Variants in C8orf74 observed in about 807,000 individuals in gnomAD.
C8orf74 encodes uncharacterized protein C8orf74.
Under a neutral mutation model 22.2 loss-of-function variants are expected in C8orf74, and 29 were observed. The ratio of observed to expected loss-of-function variants is 1.31; its 90% confidence interval spans 0.97 to 1.78. C8orf74 has a LOEUF of 1.78. C8orf74 is among the 40% of genes most tolerant of loss of function. The pLI, the probability that C8orf74 is intolerant of heterozygous loss-of-function variation, is 0.00. For synonymous variants in C8orf74, 255 were observed against 163.1 expected, an observed-to-expected ratio of 1.56 and a Z score of -4.30; for missense variants, 515 against 369.9, an observed-to-expected ratio of 1.39 and a Z score of -3.22.
rs765131388 is a variant in C8orf74, at chr8:10,672,654, GAT to G, written c.-11_-10del. On this transcript the variant is annotated 5_prime_UTR_variant, in exon 1 of 4. An upstream start codon of the reference 5' UTR is lost. Coordinates refer to ENST00000304519, the MANE Select transcript of C8orf74 (RefSeq NM_001040032.2). ...GTCTGGCTCCGTCTCCTGGCAACCA[GAT>G]GCAGGGGCCATGGCACTCTTAACAC... 6 of 1,562,170 alleles carry G rather than the reference GAT, an allele frequency of 3.8e-6. No individual in the cohort carries two copies. The East Asian group carries it at 1.4e-4, about 37-fold the overall frequency.
chr8:10,682,125 CA>C (rs1799164489), intron 2 of C8orf74, among the ~76,000 whole-genome samples: 1 of 152,170 alleles, frequency 6.6e-6, no homozygotes, highest in Admixed American at 6.5e-5. Context: ...GAGAAGGTGC[CA>C]GCCTCTGCAG....
At chr8:10,679,491 C>T (rs1024189514) in intron 2 of C8orf74, among the ~76,000 whole-genome samples, 2 of 152,206 alleles carry the variant, frequency 1.3e-5, no homozygotes, top group Non-Finnish European at 2.9e-5. Flanking sequence ...CCAAGTGGCA[C>T]TGTGCAGGTT....
At chr8:10,699,212 C>T (rs1047699525) in intron 3 of C8orf74, among the ~76,000 whole-genome samples, 3 of 152,196 alleles carry the variant, frequency 2.0e-5, no homozygotes, top group African/African-American at 7.2e-5. Flanking sequence ...CCTCCCAGCT[C>T]GCCGCCCAGC....
At position 10,700,352 on chromosome 8, in the gene C8orf74, A is replaced by T; in HGVS notation, c.766A>T (p.Thr256Ser). 2.5e-6 allele frequency: 4 copies of T among 1,613,330 alleles called. No individual in the cohort carries two copies. The highest frequency in any genetic ancestry group is 3.4e-6 in the Non-Finnish European group (4 of 1,179,578). The change falls in exon 4 of 4, where the codon ACT becomes TCT. Residue 256 changes from threonine to serine, a missense_variant. Physicochemically the swap from Thr to Ser is moderately conservative, Grantham distance 58. Coordinates refer to ENST00000304519, the MANE Select transcript of C8orf74 (RefSeq NM_001040032.2). The part of the protein sequence containing the change: ...AILDLKLQKK[T>S]LNLNAPTPIP... ...CTTGGACCTGAAGCTTCAGAAGAAG[A>T]CTCTGAACCTCAACGCCCCCACCCC...
intron 2 of C8orf74, among the ~76,000 whole-genome samples, chr8:10,687,702 T>A (rs1799290477): frequency 6.6e-6 from 1 of 152,186 alleles, no homozygotes; most frequent in South Asian, 2.1e-4. Context: ...ACACTATTTT[T>A]AAATATGTTT....
chr8:10,674,659 G>T lies in C8orf74; in HGVS notation c.62G>T (p.Arg21Leu). 1 of 1,608,110 alleles carries T rather than the reference G, an allele frequency of 6.2e-7. No homozygotes were observed. The highest frequency in any genetic ancestry group is 2.2e-5 in the East Asian group (1 of 44,646). The part of the protein sequence containing the change: ...EVFQLQRPQG[R>L]ERLRRLLNWE... The stretch of plus-strand genomic sequence containing the variant: ...CATTCCCTGCAGAGACCACAAGGTC[G>T]GGAGCGCCTGCGGAGGCTTCTGAAC... Residue 21 changes from arginine to leucine, a missense_variant, in exon 2 of 4, where the codon CGG becomes CTG. Arg to Leu is a moderately radical substitution (Grantham distance 102). Coordinates refer to ENST00000304519, the MANE Select transcript of C8orf74 (RefSeq NM_001040032.2).
In C8orf74 at chr8:10,687,700, T is replaced by C. The variant is rs533766205; in HGVS notation, c.242-9899T>C. On this transcript the variant is annotated intron_variant, in intron 2 of 3. Coordinates refer to ENST00000304519, the MANE Select transcript of C8orf74 (RefSeq NM_001040032.2). Reference sequence around the variant, plus strand: ...AAAGATTCTGCTTTTAAACACTATTTTTAAATATGTTTACTTTTCTGTGAT... The same window carrying C: ...AAAGATTCTGCTTTTAAACACTATTCTTAAATATGTTTACTTTTCTGTGAT... Among the ~76,000 whole-genome samples, 3 of 152,322 alleles carry C rather than the reference T, an allele frequency of 2.0e-5. No individual in the cohort carries two copies. In the South Asian group the frequency reaches 6.2e-4, roughly 32 times the overall value.
In C8orf74 at chr8:10,700,322, G is replaced by A. The variant is rs374916501; in HGVS notation, c.736G>A (p.Ala246Thr). 2.5e-5 allele frequency: 40 copies of A among 1,613,698 alleles called. No homozygotes were observed. The highest frequency in any genetic ancestry group is 1.7e-4 in the Middle Eastern group (1 of 6,060). Residue 246 changes from alanine (A) to threonine (T), a missense_variant, in exon 4 of 4, where the codon GCC becomes ACC. By Grantham distance (58) the Ala-to-Thr change is moderately conservative. Coordinates refer to ENST00000304519, the MANE Select transcript of C8orf74 (RefSeq NM_001040032.2). ...LLQRQIQNTF[A>T]ILDLKLQKKT... ...GCAGCGCCAGATCCAGAACACATTC[G>A]CCATCTTGGACCTGAAGCTTCAGAA...
intron 1 of C8orf74, among the ~76,000 whole-genome samples, chr8:10,673,226 G>A (rs934464011): frequency 2.6e-5 from 4 of 152,114 alleles, no homozygotes; most frequent in Admixed American, 1.3e-4. Flanking sequence ...CAACACTCTT[G>A]CGTGTGGTGG....
intron 2 of C8orf74, among the ~76,000 whole-genome samples, chr8:10,678,420 T>C (rs1170776098): frequency 6.6e-6 from 1 of 152,054 alleles, no homozygotes; most frequent in Non-Finnish European, 1.5e-5. Context: ...GGGAGCAGGA[T>C]GTGATCCAGA....
Position 10,700,490 on chromosome 8 carries a change from C to G in C8orf74, c.*19C>G, listed in dbSNP as rs372763183. 6.7e-7 allele frequency: 1 copy of G among 1,482,746 alleles called. No homozygotes were observed. Among genetic ancestry groups the G allele is most frequent in the Non-Finnish European group, 9.1e-7 (1 of 1,097,274 alleles). The allele number at this position is 1,482,746 out of a possible 1,614,324, so 91.8% of individuals were successfully genotyped here. ...GAAGTAGAAGGTCCCGACTGCCACA[C>G]GAGACTGACTGGGGACCAGCCACCC... On this transcript the variant is annotated 3_prime_UTR_variant, in exon 4 of 4. Coordinates refer to ENST00000304519, the MANE Select transcript of C8orf74 (RefSeq NM_001040032.2).
intron 3 of C8orf74, among the ~76,000 whole-genome samples, chr8:10,699,124 C>G (rs1199918241): frequency 2.0e-5 from 3 of 152,214 alleles, no homozygotes; most frequent in Admixed American, 6.5e-5. Context: ...GGACCTTGCT[C>G]TAGCACACGG....
At chr8:10,677,493 C>T (rs1354079037) in intron 2 of C8orf74, among the ~76,000 whole-genome samples, 1 of 152,070 alleles carries the variant, frequency 6.6e-6, no homozygotes, top group Non-Finnish European at 1.5e-5. Context: ...AACATATGTT[C>T]ATTATTTACC....
At chr8:10,692,989 G>A (rs1209523594) in intron 2 of C8orf74, 1 of 152,398 alleles carries the variant, frequency 6.6e-6, no homozygotes, top group African/African-American at 2.4e-5. Context: ...GAGTACTCTG[G>A]AGAAAGACTC....
intron 2 of C8orf74, among the ~76,000 whole-genome samples, chr8:10,695,165 T>C (rs181459302): frequency 6.6e-6 from 1 of 152,282 alleles, no homozygotes; most frequent in Admixed American, 6.5e-5. Context: ...ATTTATTGAT[T>C]GCTGGCTTGT....
intron 2 of C8orf74, chr8:10,691,196 C>T (rs755710074): frequency 1.8e-5 from 6 of 341,660 alleles, no homozygotes; most frequent in Admixed American, 3.8e-5. Flanking sequence ...CCTGTTGACC[C>T]AGGACAAGGT....
intron 3 of C8orf74, among the ~76,000 whole-genome samples, chr8:10,698,859 G>A (rs1255721580): frequency 6.6e-6 from 1 of 150,810 alleles, no homozygotes; most frequent in African/African-American, 2.4e-5. Context: ...CAGCTGAAGA[G>A]CAAATGGCCC....
chr8:10,678,074 A>C (rs7824878), intron 2 of C8orf74, among the ~76,000 whole-genome samples: 21,023 of 152,186 alleles, frequency 0.14, 1,710 homozygotes, highest in South Asian at 0.26. Context: ...GGCATGGTTA[A>C]TACAAACATG....
intron 2 of C8orf74, among the ~76,000 whole-genome samples, chr8:10,685,207 G>A (rs916073429): frequency 6.6e-6 from 1 of 152,196 alleles, no homozygotes; most frequent in East Asian, 1.9e-4. Flanking sequence ...AAACTTAAAA[G>A]ACATAGTGGA....
Sources: gnomAD v4.1 joint callset for allele counts (sites outside exome capture counted in the v4.1 genomes callset) on GRCh38, gnomAD v4.1.1 for gene constraint, MANE v1.5 for transcripts, NCBI Gene and HGNC (gene_info 2026-07-23, HGNC 2026-07-21) for gene names.